The following WASL variants were observed in gnomAD, a reference collection of about 807,000 sequenced individuals.
WASL encodes actin nucleation-promoting factor WASL.
WASL carries 20 observed loss-of-function variants against 55.5 expected under a neutral mutation model. The observed-to-expected ratio is 0.36, with a 90% CI of 0.25 to 0.52. The LOEUF is 0.52. WASL is among the 20% of genes least tolerant of loss of function. The pLI is 0.92. For missense variants in WASL, 504 were observed against 622.5 expected (o/e 0.81, Z 2.03); for synonymous variants, 249 against 217.6 (o/e 1.14, Z -1.27).
In WASL at chr7:123,720,123, A is replaced by C. The variant is rs73718464; in HGVS notation, c.118-10900T>G. Among the ~76,000 whole-genome samples, 1,043 of 152,298 alleles carry C rather than the reference A, an allele frequency of 6.8e-3. 15 individuals are homozygous for C. Among genetic ancestry groups the C allele is most frequent in the African/African-American group, 0.024 (1,003 of 41,556 alleles). On this transcript the variant is annotated intron_variant, in intron 1 of 10. Coordinates refer to ENST00000223023, the MANE Select transcript of WASL (RefSeq NM_003941.4). ...CAACCAGTTTATCATATAAGAATTAAAATCAGTTCAGTAACGTGTTTGATC... is the reference window on the plus strand; with the variant it reads ...CAACCAGTTTATCATATAAGAATTACAATCAGTTCAGTAACGTGTTTGATC...
chr7:123,721,829 G>T (rs879331644), intron 1 of WASL, among the ~76,000 whole-genome samples: 6 of 152,152 alleles, frequency 3.9e-5, no homozygotes, highest in Non-Finnish European at 7.4e-5. Flanking sequence ...TGAGGCAAGA[G>T]AAATGCTTGA....
At chr7:123,705,301 T>C (rs1803652198) in intron 4 of WASL, among the ~76,000 whole-genome samples, 1 of 152,138 alleles carries the variant, frequency 6.6e-6, no homozygotes, top group Admixed American at 6.5e-5. Flanking sequence ...ATGGAACAAA[T>C]GCCTTTTACT....
At chr7:123,697,608 A>G (rs1803513259) in intron 5 of WASL, among the ~76,000 whole-genome samples, 1 of 152,192 alleles carries the variant, frequency 6.6e-6, no homozygotes, top group Admixed American at 6.5e-5. Context: ...TTTGAGACCA[A>G]GTTCCTCTGA....
rs141984601 is a variant in WASL, at chr7:123,692,680, C to T, written c.1014G>A (p.Pro338=). The T allele has an allele frequency of 7.3e-5, 112 of 1,537,220 alleles. No individual in the cohort carries two copies. The highest frequency in any genetic ancestry group is 1.8e-4 in the Middle Eastern group (1 of 5,650). Residue 338 remains proline (P), a synonymous_variant, in exon 9 of 11, where the codon CCG becomes CCA. Coordinates refer to ENST00000223023, the MANE Select transcript of WASL (RefSeq NM_003941.4). ...SRPSVAVPPP[P]PNRMYPPPPP... is the part of the protein sequence containing the mutation. ...GTGGAGGAGGGTACATCCTATTTGG[C>T]GGTGGTGGAGGGACTGCTACACTTG... is the stretch of plus-strand genomic sequence containing the variant.
intron 1 of WASL, among the ~76,000 whole-genome samples, chr7:123,719,886 C>A (rs994013000): frequency 6.6e-6 from 1 of 152,178 alleles, no homozygotes; most frequent in Non-Finnish European, 1.5e-5. Context: ...GTGACAGGAA[C>A]CTCCCAACCC....
chr7:123,738,574 CT>C (rs908879999), intron 1 of WASL, among the ~76,000 whole-genome samples: 1 of 152,106 alleles, frequency 6.6e-6, no homozygotes, highest in African/African-American at 2.4e-5. Flanking sequence ...CCAATTTTTT[CT>C]TCACGTTTCT....
In WASL at chr7:123,748,748, G is replaced by T. The variant is rs1409956204; in HGVS notation, c.-14C>A. ...GACGGAGCTCATGGTTTCGCCGGCG[G>T]GGTTGGGAGTCCAGGGCCGTCTCCT... On this transcript the variant is annotated 5_prime_UTR_variant, in exon 1 of 11. Transcript: ENST00000223023. 1.9e-6 allele frequency: 3 copies of T among 1,568,364 alleles called. No homozygotes were observed. The African/African-American group carries it at 4.1e-5, about 22-fold the overall frequency.
chr7:123,717,643 C>T (rs1803868012), intron 1 of WASL, among the ~76,000 whole-genome samples: 1 of 152,148 alleles, frequency 6.6e-6, no homozygotes, highest in Non-Finnish European at 1.5e-5. Context: ...AAAGTTCTCC[C>T]CAGGCAAGAA....
intron 8 of WASL, among the ~76,000 whole-genome samples, chr7:123,693,106 T>C (rs1261078586): frequency 6.6e-6 from 1 of 152,122 alleles, no homozygotes; most frequent in African/African-American, 2.4e-5. Context: ...TAAAACAGAA[T>C]AGTTTATTTT....
intron 1 of WASL, among the ~76,000 whole-genome samples, chr7:123,710,673 G>C (rs1209407658): frequency 6.6e-6 from 1 of 152,104 alleles, no homozygotes; most frequent in Non-Finnish European, 1.5e-5. Context: ...ATACAGTACT[G>C]AGTAGGACAC....
chr7:123,732,215 G>C (rs1006112670), intron 1 of WASL, among the ~76,000 whole-genome samples: 1 of 151,914 alleles, frequency 6.6e-6, no homozygotes, highest in Non-Finnish European at 1.5e-5. Context: ...CTGTAGTCCC[G>C]GCTACTCAGA....
chr7:123,720,887 AG>A (rs746504042), intron 1 of WASL, among the ~76,000 whole-genome samples: 8 of 152,136 alleles, frequency 5.3e-5, no homozygotes, highest in Non-Finnish European at 1.0e-4. Context: ...TAAAAAAAAA[AG>A]ACCTACTCAA....
chr7:123,735,471 T>C (rs1189083813), intron 1 of WASL, among the ~76,000 whole-genome samples: 2 of 151,596 alleles, frequency 1.3e-5, no homozygotes, highest in African/African-American at 2.4e-5. Context: ...ATTAGAACAG[T>C]TGTTATATCT....
chr7:123,695,379 T>G (rs933799351), intron 7 of WASL, among the ~76,000 whole-genome samples: 1 of 152,136 alleles, frequency 6.6e-6, no homozygotes. Context: ...ATCCAAACGC[T>G]GATTAATTTT....
rs185720015 is a variant in WASL at position 123,697,634 on chromosome 7, G to A, written c.461-887C>T. Among the ~76,000 whole-genome samples, 7 of 152,210 alleles carry A rather than the reference G, an allele frequency of 4.6e-5. No homozygotes were observed. In the East Asian group the frequency reaches 9.7e-4, roughly 21 times the overall value. ...GTTCCTCTGAGGTGACTACATTAAC[G>A]ACCACTTCCAAAACATATGAAATAC... On this transcript the variant is annotated intron_variant, in intron 5 of 10. Transcript: ENST00000223023.
intron 1 of WASL, among the ~76,000 whole-genome samples, chr7:123,714,691 G>A (rs943531374): frequency 2.0e-5 from 3 of 152,006 alleles, no homozygotes; most frequent in African/African-American, 7.2e-5. Context: ...ATGAAAATGA[G>A]GGCAAATACA....
At chr7:123,693,965 T>C (rs747302420) in intron 8 of WASL, among the ~76,000 whole-genome samples, 12 of 152,190 alleles carry the variant, frequency 7.9e-5, no homozygotes, top group Non-Finnish European at 1.6e-4. Context: ...AAAGTTTAAA[T>C]GAACACTGGC....
intron 5 of WASL, among the ~76,000 whole-genome samples, 200 bp downstream of exon 5, chr7:123,704,434 C>T (rs938125020): frequency 1.3e-5 from 2 of 152,044 alleles, no homozygotes; most frequent in Non-Finnish European, 2.9e-5. Context: ...ATCTGTCAAT[C>T]ATTAATTAAA....
Position 123,730,169 on chromosome 7 carries a change from T to A in WASL, c.117+18449A>T, listed in dbSNP as rs1804114206. Among the ~76,000 whole-genome samples, 2 of 152,172 alleles carry A rather than the reference T, an allele frequency of 1.3e-5. 1 individual carries two copies. Among genetic ancestry groups the A allele is most frequent in the South Asian group, 4.1e-4 (2 of 4,832 alleles). On this transcript the variant is annotated intron_variant, in intron 1 of 10. Transcript: ENST00000223023. ...GAGAAATAATTTTTCAACTGAAAAT[T>A]GAAGAAATTTGTTACTGATACGCCT... is the stretch of plus-strand genomic sequence containing the variant.
Sources: allele counts gnomAD v4.1 joint callset (sites outside exome capture counted in the v4.1 genomes callset), GRCh38; gene constraint gnomAD v4.1.1; transcripts MANE v1.5; gene names NCBI Gene and HGNC (gene_info 2026-07-23, HGNC 2026-07-21).